The following NFAT5 variants were observed in gnomAD, a reference collection of about 807,000 sequenced individuals.
NFAT5 encodes nuclear factor of activated T-cells 5.
A neutral mutation model predicts 166.5 loss-of-function variants in NFAT5; 31 were observed. The observed-to-expected ratio is 0.19, with a 90% CI of 0.14 to 0.25. The LOEUF is 0.25. Among genes scored for constraint, NFAT5 ranks in the 10% least tolerant of loss-of-function variants. NFAT5 has a pLI of 1.00. For missense variants in NFAT5, 1,449 were observed against 1,821.8 expected (o/e 0.80, Z 3.72); for synonymous variants, 612 against 639.7 (o/e 0.96, Z 0.65).
chr16:69,623,665 G>A (rs943432579), intron 2 of NFAT5, among the ~76,000 whole-genome samples: 1 of 151,900 alleles, frequency 6.6e-6, no homozygotes, highest in East Asian at 1.9e-4. Flanking sequence ...GCACCACCAT[G>A]TCCGGCTAAT....
intron 3 of NFAT5, among the ~76,000 whole-genome samples, chr16:69,633,182 TA>T (rs1204106471): frequency 6.6e-6 from 1 of 152,226 alleles, no homozygotes; most frequent in Admixed American, 6.5e-5. Flanking sequence ...ATTGTCCTCT[TA>T]ATAACACTTT....
chr16:69,632,304 AT>A (rs1319315388), intron 3 of NFAT5: 1 of 152,158 alleles, frequency 6.6e-6, no homozygotes, highest in African/African-American at 2.4e-5. Flanking sequence ...GTGTTAGGTA[AT>A]TTGCATGTCA....
chr16:69,664,810 C>G (rs988854059), intron 7 of NFAT5, among the ~76,000 whole-genome samples: 1 of 151,996 alleles, frequency 6.6e-6, no homozygotes, highest in East Asian at 1.9e-4. Flanking sequence ...GGCCCATTAC[C>G]TGAGGTCAGG....
In NFAT5 at chr16:69,617,273, C is replaced by G. The variant is rs148694887; in HGVS notation, c.128-9130C>G. On this transcript the variant is annotated intron_variant, in intron 2 of 14. Transcript: ENST00000349945. ...TTCTTAAAGCTCTATTGAAAAGGTA[C>G]TCTTGTAAGATATCTAAAAATTATA... 1.9e-3 allele frequency among the ~76,000 whole-genome samples: 284 copies of G among 152,146 alleles called. 3 individuals carry two copies. The highest frequency in any genetic ancestry group is 6.4e-3 in the African/African-American group (267 of 41,518).
intron 10 of NFAT5, among the ~76,000 whole-genome samples, chr16:69,681,445 A>G (rs2037054485): frequency 6.6e-6 from 1 of 152,234 alleles, no homozygotes; most frequent in African/African-American, 2.4e-5. Flanking sequence ...TAGAATTTTC[A>G]AACTGCTTTG....
chr16:69,674,881 T>G (rs1029997466), intron 9 of NFAT5, among the ~76,000 whole-genome samples: 2 of 152,212 alleles, frequency 1.3e-5, no homozygotes, highest in Non-Finnish European at 2.9e-5. Context: ...AAGTTAAAAT[T>G]CAATTGTTTT....
intron 2 of NFAT5, among the ~76,000 whole-genome samples, chr16:69,572,603 A>G (rs1013839065): frequency 6.6e-6 from 1 of 152,322 alleles, no homozygotes; most frequent in African/African-American, 2.4e-5. Flanking sequence ...ATGAAAAACT[A>G]AGATAGAAAT....
chr16:69,566,494 GC>G lies in NFAT5; in HGVS notation c.73+121del. ...GGGCGGCTGAGCCGCGACCCCCATG[GC>G]TTCTTTGGCCGGAGCGGGCAGAGGC... On this transcript the variant is annotated intron_variant, in intron 1 of 14. Coordinates refer to ENST00000349945, the MANE Select transcript of NFAT5 (RefSeq NM_138713.4). This position sits in a 1 kb window ranked among gnomAD's most constrained non-coding sequence, Gnocchi z 5.7. 1 of 855,140 alleles carries G rather than the reference GC, an allele frequency of 1.2e-6. No individual in the cohort carries two copies. The highest frequency in any genetic ancestry group is 1.4e-5 in the South Asian group (1 of 69,450). 53.0% of individuals were successfully genotyped at this position (855,140 alleles called of 1,614,324 possible).
chr16:69,685,051 T>A, intron 11 of NFAT5, 81 bp downstream of exon 11: 1 of 848,782 alleles, frequency 1.2e-6, no homozygotes, highest in Non-Finnish European at 1.9e-6. Context: ...TTTTGTTTTC[T>A]CTTAGGTACT....
chr16:69,606,764 G>T (rs1212837508), intron 2 of NFAT5, among the ~76,000 whole-genome samples: 1 of 152,172 alleles, frequency 6.6e-6, no homozygotes. Flanking sequence ...TGAGGCATGA[G>T]AATTGCTTGA....
At chr16:69,584,969 A>G (rs1360400031) in intron 2 of NFAT5, among the ~76,000 whole-genome samples, 1 of 152,078 alleles carries the variant, frequency 6.6e-6, no homozygotes, top group Admixed American at 6.6e-5. Flanking sequence ...ACAGATGGCA[A>G]GTGCTGTCAA....
At chr16:69,621,919 T>C (rs2034217047) in intron 2 of NFAT5, among the ~76,000 whole-genome samples, 1 of 152,138 alleles carries the variant, frequency 6.6e-6, no homozygotes, top group Admixed American at 6.5e-5. Context: ...ACTTTGATTG[T>C]GTCTGTATAC....
At chr16:69,568,625 G>T in intron 2 of NFAT5, 77 bp downstream of exon 2, 1 of 1,233,472 alleles carries the variant, frequency 8.1e-7, no homozygotes. Context: ...AAATGGGAAA[G>T]TATGAAACTT....
chr16:69,566,477 G>C lies in NFAT5; in HGVS notation c.73+103G>C, dbSNP rs1597319706. On this transcript the variant is annotated intron_variant, in intron 1 of 14. Transcript: ENST00000349945. The surrounding 1 kb of genome is among the most constrained non-coding windows in gnomAD (Gnocchi z 5.7). ...GGTCCCCGTCCCGCCGGGGGCGGCT[G>C]AGCCGCGACCCCCATGGCTTCTTTG... The C allele has an allele frequency of 4.4e-5, 44 of 990,096 alleles. No homozygotes were observed. The East Asian group carries it at 1.1e-3, about 24-fold the overall frequency. The allele number at this position is 990,096 out of a possible 1,614,324, so 61.3% of individuals were successfully genotyped here.
chr16:69,613,413 G>A, intron 2 of NFAT5, among the ~76,000 whole-genome samples: 1 of 152,112 alleles, frequency 6.6e-6, no homozygotes, highest in East Asian at 1.9e-4. Flanking sequence ...CCTGTGTGCT[G>A]AGGGATAAAA....
At chr16:69,694,621 T>C (rs1196371476) in intron 13 of NFAT5, among the ~76,000 whole-genome samples, 1 of 152,230 alleles carries the variant, frequency 6.6e-6, no homozygotes, top group African/African-American at 2.4e-5. Flanking sequence ...TAAGATCTTG[T>C]ACAAGTTATT....
intron 7 of NFAT5, among the ~76,000 whole-genome samples, chr16:69,669,745 T>G (rs1014499525): frequency 3.3e-5 from 5 of 152,208 alleles, no homozygotes; most frequent in African/African-American, 1.2e-4. Flanking sequence ...AACTTTCACT[T>G]GGACTTGGCA....
intron 2 of NFAT5, among the ~76,000 whole-genome samples, chr16:69,586,665 A>G (rs2032086935): frequency 6.6e-6 from 1 of 152,032 alleles, no homozygotes; most frequent in Non-Finnish European, 1.5e-5. Flanking sequence ...AGCCTCCCGA[A>G]GTGCTGAGAT....
chr16:69,694,298 G>A lies in NFAT5; in HGVS notation c.4414+59G>A. ...TCATTATTATTATTAGAAGGAAGCAGAGTGCAGTGGTGCGATCTCAGCTCA... is the reference window on the plus strand; with the variant it reads ...TCATTATTATTATTAGAAGGAAGCAAAGTGCAGTGGTGCGATCTCAGCTCA... On this transcript the variant is annotated intron_variant, in intron 13 of 14. Coordinates refer to ENST00000349945, the MANE Select transcript of NFAT5 (RefSeq NM_138713.4). 10 of 1,344,934 alleles carry A rather than the reference G, an allele frequency of 7.4e-6. No homozygotes were observed. The South Asian group carries it at 1.4e-4, about 19-fold the overall frequency. 83.3% of individuals were successfully genotyped at this position (1,344,934 alleles called of 1,614,324 possible). A position where few individuals can be genotyped will look rare whatever the true frequency, so the allele number is the denominator to read the frequency against.
Sources: allele counts gnomAD v4.1 joint callset (sites outside exome capture counted in the v4.1 genomes callset), GRCh38; gene constraint gnomAD v4.1.1; non-coding constraint Gnocchi (gnomAD v3.1); transcripts MANE v1.5; gene names NCBI Gene and HGNC (gene_info 2026-07-23, HGNC 2026-07-21).